Variants in GDAP1L1 observed in about 807,000 individuals in gnomAD.
The protein encoded by GDAP1L1 is ganglioside-induced differentiation-associated protein 1-like 1.
In GDAP1L1, 21 loss-of-function variants were observed where a neutral mutation model predicts 37.1. The observed-to-expected ratio is 0.57, with a 90% confidence interval of 0.40 to 0.81. The LOEUF is 0.81. Among genes scored for constraint, GDAP1L1 ranks in the 40% least tolerant of loss-of-function variants. The probability of loss-of-function intolerance (pLI) is 0.00; values close to 1 mark genes in which losing one functional copy is unlikely to be tolerated. For synonymous variants in GDAP1L1, 193 were observed against 209.1 expected (o/e 0.92, Z 0.67); for missense variants, 362 against 491.6 (o/e 0.74, Z 2.49).
intron 1 of GDAP1L1, among the ~76,000 whole-genome samples, chr20:44,252,289 A>G (rs910638915): frequency 2.0e-5 from 3 of 152,184 alleles, no homozygotes; most frequent in Admixed American, 6.5e-5. Context: ...AGGTGGGTGG[A>G]TCACCTGAGG....
At chr20:44,273,852 G>C (rs2062545584) in intron 5 of GDAP1L1, among the ~76,000 whole-genome samples, 1 of 151,984 alleles carries the variant, frequency 6.6e-6, no homozygotes, top group African/African-American at 2.4e-5. Context: ...TGTGGTTTTG[G>C]CCATTAAAAG....
At chr20:44,260,853 A>T (rs1429469017) in intron 3 of GDAP1L1, among the ~76,000 whole-genome samples, 1 of 152,208 alleles carries the variant, frequency 6.6e-6, no homozygotes, top group Non-Finnish European at 1.5e-5. Flanking sequence ...TCCAAAGAGC[A>T]GTGGAGAAAC....
chr20:44,263,188 C>T, intron 3 of GDAP1L1, 42 bp from the exon 4 acceptor site: 1 of 1,514,944 alleles, frequency 6.6e-7, no homozygotes, highest in Non-Finnish European at 9.2e-7. Context: ...GGGGAGCAAC[C>T]AAGGTATCAG....
chr20:44,261,090 C>A (rs904787385), intron 3 of GDAP1L1, among the ~76,000 whole-genome samples: 1 of 152,160 alleles, frequency 6.6e-6, no homozygotes, highest in Non-Finnish European at 1.5e-5. Flanking sequence ...CAGCCCACCC[C>A]CTCTCTCCCC....
intron 5 of GDAP1L1, among the ~76,000 whole-genome samples, chr20:44,270,164 A>ATTTTTTT (rs397756226): frequency 6.0e-5 from 6 of 100,590 alleles, no homozygotes; most frequent in Non-Finnish European, 7.5e-5. Context: ...AGTGTCTTAA[A>ATTTTTTT]TTTTTTTTTT....
At chr20:44,269,000 T>G (rs1387630792) in intron 5 of GDAP1L1, among the ~76,000 whole-genome samples, 2 of 152,180 alleles carry the variant, frequency 1.3e-5, no homozygotes, top group Non-Finnish European at 2.9e-5. Flanking sequence ...GATATGTGGC[T>G]TGGCAGTATG....
chr20:44,253,399 C>T (rs2073480987), intron 1 of GDAP1L1, among the ~76,000 whole-genome samples: 1 of 152,158 alleles, frequency 6.6e-6, no homozygotes, highest in South Asian at 2.1e-4. Flanking sequence ...ATAAGGCCTA[C>T]TAATTTTTTT....
chr20:44,264,491 T>G lies in GDAP1L1; in HGVS notation c.692T>G (p.Leu231Arg). 6.4e-7 allele frequency: 1 copy of G among 1,554,664 alleles called. No homozygotes were observed. Among genetic ancestry groups the G allele is most frequent in the Non-Finnish European group, 8.7e-7 (1 of 1,150,000 alleles). The change falls in exon 5 of 6, where the codon CTC becomes CGC. Residue 231 changes from leucine to arginine, a missense_variant. Transcript: ENST00000342560. The stretch of plus-strand genomic sequence containing the variant: ...GATGTGAGCTACCTGAAGAAGATCC[T>G]CGGGGAACTGGCCATGGTGCTGGAC... ...HDDVSYLKKI[L>R]GELAMVLDQI...
At chr20:44,251,318 C>T (rs370065071) in intron 1 of GDAP1L1, among the ~76,000 whole-genome samples, 6 of 152,140 alleles carry the variant, frequency 3.9e-5, no homozygotes, top group African/African-American at 1.2e-4. Context: ...CTGCAGCAAG[C>T]CTGGTTCATG....
intron 5 of GDAP1L1, among the ~76,000 whole-genome samples, chr20:44,268,693 G>T (rs898415158): frequency 6.6e-6 from 1 of 152,194 alleles, no homozygotes; most frequent in African/African-American, 2.4e-5. Flanking sequence ...GAAGAATCAG[G>T]GCAGATATGA....
At position 44,264,475 on chromosome 20, in the gene GDAP1L1, T is replaced by C; in HGVS notation, c.676T>C (p.Tyr226His). ...GATCTTGGAGCATGATGATGTGAGC[T>C]ACCTGAAGAAGATCCTCGGGGAACT... ...AKILEHDDVS[Y>H]LKKILGELAM... Residue 226 changes from tyrosine to histidine, a missense_variant, in exon 5 of 6, where the codon TAC (tyrosine) becomes CAC (histidine). By Grantham distance (83) the Tyr-to-His change is moderately conservative. Transcript: ENST00000342560. The C allele has an allele frequency of 2.6e-6, 4 of 1,530,204 alleles. No homozygotes were observed. The highest frequency in any genetic ancestry group is 3.5e-6 in the Non-Finnish European group (4 of 1,138,344). 94.8% of individuals were successfully genotyped at this position (1,530,204 alleles called of 1,614,324 possible). A position where few individuals can be genotyped will look rare whatever the true frequency, so the allele number is the denominator to read the frequency against.
chr20:44,254,156 A>G (rs34348245), intron 1 of GDAP1L1, among the ~76,000 whole-genome samples: 13,102 of 152,222 alleles, frequency 0.086, 1,163 homozygotes, highest in East Asian at 0.36. Context: ...GAGCTCAAAT[A>G]TACACATGCA....
chr20:44,258,233 C>T (rs756673923), intron 2 of GDAP1L1: 7 of 721,934 alleles, frequency 9.7e-6, no homozygotes, highest in South Asian at 1.5e-5. Flanking sequence ...AGCTAACCCT[C>T]GGGGACAGCT....
At chr20:44,258,964 C>T (rs1388441953) in intron 3 of GDAP1L1, among the ~76,000 whole-genome samples, 1 of 146,718 alleles carries the variant, frequency 6.8e-6, no homozygotes, top group Non-Finnish European at 1.5e-5. Context: ...TACTCTTGTC[C>T]TGCCCCCCCC....
rs897793572 is a variant in GDAP1L1, at chr20:44,264,623, G to A, written c.760+64G>A. On this transcript the variant is annotated intron_variant, in intron 5 of 5. Transcript: ENST00000342560. The stretch of plus-strand genomic sequence containing the variant: ...ACCCAGCCTACTCTTCCCCTGCCCA[G>A]TCTCAGCCTCTTTTTTCCGCAAAAG... 8.3e-6 allele frequency: 13 copies of A among 1,569,500 alleles called. No homozygotes were observed. The Admixed American group carries it at 1.5e-4, about 18-fold the overall frequency.
intron 1 of GDAP1L1, among the ~76,000 whole-genome samples, chr20:44,251,639 G>C (rs1251545036): frequency 1.3e-5 from 2 of 152,176 alleles, no homozygotes; most frequent in East Asian, 3.9e-4. Flanking sequence ...GCAACGAGAT[G>C]CATCTCCCTG....
At chr20:44,267,073 G>C (rs1437488859) in intron 5 of GDAP1L1, among the ~76,000 whole-genome samples, 3 of 152,198 alleles carry the variant, frequency 2.0e-5, no homozygotes, top group Non-Finnish European at 4.4e-5. Flanking sequence ...GGACAAGCTT[G>C]CTCTAGAGCT....
At chr20:44,274,418 T>C (rs1413489329) in intron 5 of GDAP1L1, among the ~76,000 whole-genome samples, 1 of 152,158 alleles carries the variant, frequency 6.6e-6, no homozygotes, top group East Asian at 1.9e-4. Flanking sequence ...CCATCTCCAA[T>C]TCCTCTCCTC....
rs776242789 is a variant in GDAP1L1, at chr20:44,278,275, T to TG, written c.761-676dup. On this transcript the variant is annotated intron_variant, in intron 5 of 5. Coordinates refer to ENST00000342560, the MANE Select transcript of GDAP1L1 (RefSeq NM_024034.6). Reference sequence around the variant, plus strand: ...GAGATGGGGATGAGCATGGTGGCTCTGGGGGGAATTCCATTTTGAGTTTGA... The same window carrying TG: ...GAGATGGGGATGAGCATGGTGGCTCTGGGGGGGAATTCCATTTTGAGTTTGA... Among the ~76,000 whole-genome samples the TG allele has an allele frequency of 1.1e-4, 16 of 152,120 alleles. No individual in the cohort carries two copies. In the East Asian group the frequency reaches 2.7e-3, roughly 26 times the overall value.
Sources: allele counts gnomAD v4.1 joint callset (sites outside exome capture counted in the v4.1 genomes callset), GRCh38; gene constraint gnomAD v4.1.1; transcripts MANE v1.5; gene names NCBI Gene and HGNC (gene_info 2026-07-23, HGNC 2026-07-21).